HELQ: variants seen among roughly 807,000 people sequenced by gnomAD.
The protein encoded by HELQ is helicase, POLQ like.
A neutral mutation model predicts 111.6 loss-of-function variants in HELQ; 77 were observed. The ratio of observed to expected loss-of-function variants is 0.69; its 90% CI spans 0.57 to 0.83. The LOEUF (loss-of-function observed/expected upper bound fraction) is 0.83. HELQ is among the 40% of genes least tolerant of loss of function. HELQ has a pLI of 0.00. For missense variants in HELQ, 1,200 were observed against 1,288.5 expected (o/e 0.93, Z 1.05); for synonymous variants, 438 against 454.7 (o/e 0.96, Z 0.47).
At chr4:83,448,733 T>C (rs1329616773) in intron 3 of HELQ, 50 bp downstream of exon 3, 1 of 1,460,358 alleles carries the variant, frequency 6.8e-7, no homozygotes, top group Non-Finnish European at 9.4e-7. Context: ...GATCTTAACG[T>C]CAAAGTACTA....
At chr4:83,409,615 C>T (rs1738981858) in intron 17 of HELQ, among the ~76,000 whole-genome samples, 1 of 151,262 alleles carries the variant, frequency 6.6e-6, no homozygotes, top group Non-Finnish European at 1.5e-5. Flanking sequence ...TAAAAATTTC[C>T]CTTCCTGAAA....
chr4:83,434,295 C>G (rs1474411833), intron 9 of HELQ, among the ~76,000 whole-genome samples: 1 of 151,980 alleles, frequency 6.6e-6, no homozygotes, highest in Non-Finnish European at 1.5e-5. Flanking sequence ...CGCTTGAACC[C>G]AGGAGACAGA....
intron 2 of HELQ, among the ~76,000 whole-genome samples, chr4:83,451,521 C>G (rs1721365464): frequency 6.6e-6 from 1 of 151,858 alleles, no homozygotes; most frequent in Non-Finnish European, 1.5e-5. Context: ...AAAAAATTAG[C>G]CGGGCGTGGT....
Position 83,437,261 on chromosome 4 carries a change from C to A in HELQ, c.1809-164G>T, listed in dbSNP as rs114115694. On this transcript the variant is annotated intron_variant, in intron 8 of 17. Transcript: ENST00000295488. ...AGAATTTTGATTCTGACTTCATTAACTATTAGGCAGTCTCTCAATCTTTTT... is the reference window on the plus strand; with the variant it reads ...AGAATTTTGATTCTGACTTCATTAAATATTAGGCAGTCTCTCAATCTTTTT... 3.7e-3 allele frequency among the ~76,000 whole-genome samples: 560 copies of A among 152,210 alleles called. 4 individuals are homozygous for A. Among genetic ancestry groups the A allele is most frequent in the African/African-American group, 0.013 (545 of 41,536 alleles).
At chr4:83,434,820 T>C (rs1046758830) in intron 9 of HELQ, among the ~76,000 whole-genome samples, 4 of 151,970 alleles carry the variant, frequency 2.6e-5, no homozygotes, top group African/African-American at 9.7e-5. Flanking sequence ...TCTTCCACAT[T>C]CTGAAAAATG....
chr4:83,408,870 GA>G lies in HELQ; in HGVS notation c.3199-1311del, dbSNP rs539501991. On this transcript the variant is annotated intron_variant, in intron 17 of 17. Coordinates refer to ENST00000295488, the MANE Select transcript of HELQ (RefSeq NM_133636.5). ...AAGCCTACCCAAATATAAAAATACTGAAAAAAGAATGTTGGTTGATTAAAGC... is the reference window on the plus strand; with the variant it reads ...AAGCCTACCCAAATATAAAAATACTGAAAAAGAATGTTGGTTGATTAAAGC... 1.3e-3 allele frequency among the ~76,000 whole-genome samples: 203 copies of G among 152,098 alleles called. 1 individual carries two copies. Among genetic ancestry groups the G allele is most frequent in the African/African-American group, 4.7e-3 (193 of 41,490 alleles).
At chr4:83,451,534 C>T (rs559887242) in intron 2 of HELQ, among the ~76,000 whole-genome samples, 15 of 151,872 alleles carry the variant, frequency 9.9e-5, no homozygotes, top group Non-Finnish European at 1.8e-4. Flanking sequence ...GGCGTGGTGG[C>T]GGGCGCCTGT....
intron 17 of HELQ, among the ~76,000 whole-genome samples, chr4:83,415,079 A>G (rs1030596864): frequency 6.6e-6 from 1 of 152,240 alleles, no homozygotes; most frequent in Non-Finnish European, 1.5e-5. Context: ...ATATGAAAAT[A>G]GTAAAACAAT....
chr4:83,447,972 G>A (rs1721141542), intron 3 of HELQ, among the ~76,000 whole-genome samples: 1 of 151,982 alleles, frequency 6.6e-6, no homozygotes, highest in Non-Finnish European at 1.5e-5. Flanking sequence ...CACTTTGGGG[G>A]GCCGAGGTGG....
intron 2 of HELQ, among the ~76,000 whole-genome samples, chr4:83,452,355 A>G (rs960120917): frequency 6.6e-6 from 1 of 152,146 alleles, no homozygotes; most frequent in Non-Finnish European, 1.5e-5. Context: ...AAAAGATTGG[A>G]CATCCCTGAC....
chr4:83,430,902 G>A (rs535109900), intron 11 of HELQ, among the ~76,000 whole-genome samples: 2 of 151,758 alleles, frequency 1.3e-5, no homozygotes, highest in Non-Finnish European at 2.9e-5. Flanking sequence ...GGGGGGCAGG[G>A]GAACCTTTAC....
In HELQ at chr4:83,440,136, T is replaced by C. The variant is rs531448750; in HGVS notation, c.1663-128A>G. The C allele has an allele frequency of 4.0e-5, 26 of 645,664 alleles. No individual in the cohort carries two copies. The Admixed American group carries it at 4.9e-4, about 12-fold the overall frequency. The allele number at this position is 645,664 out of a possible 1,614,324, so 40.0% of individuals were successfully genotyped here. On this transcript the variant is annotated intron_variant, in intron 7 of 17. Transcript: ENST00000295488. ...TAAACTTCTAATTTAATAAATCTGA[T>C]CATTTAAAAGAAAAGATGAAATCTA... is the stretch of plus-strand genomic sequence containing the variant.
chr4:83,407,495 A>G lies in HELQ; in HGVS notation c.3264T>C (p.Ser1088=), dbSNP rs747408938. 2.5e-6 allele frequency: 4 copies of G among 1,610,954 alleles called. No homozygotes were observed. Among genetic ancestry groups the G allele is most frequent in the Non-Finnish European group, 3.4e-6 (4 of 1,179,032 alleles). ...EEVEELLRLP[S]DFPGAVASST... is the part of the protein sequence containing the mutation. Reference sequence around the variant, plus strand: ...AAGAAGCCACAGCACCAGGGAAATCAGAAGGCAATCTTAGTAACTCTTCTA... The same window carrying G: ...AAGAAGCCACAGCACCAGGGAAATCGGAAGGCAATCTTAGTAACTCTTCTA... Residue 1088 remains serine (S), a synonymous_variant, in exon 18 of 18, where the codon TCT becomes TCC. Coordinates refer to ENST00000295488, the MANE Select transcript of HELQ (RefSeq NM_133636.5).
chr4:83,435,645 T>G (rs1720412128), intron 9 of HELQ, among the ~76,000 whole-genome samples: 1 of 151,798 alleles, frequency 6.6e-6, no homozygotes, highest in Non-Finnish European at 1.5e-5. Context: ...AGAAGTATGA[T>G]TTACAGGTAA....
intron 17 of HELQ, among the ~76,000 whole-genome samples, chr4:83,411,724 C>G (rs1331717680): frequency 1.3e-5 from 2 of 151,816 alleles, no homozygotes; most frequent in Non-Finnish European, 2.9e-5. Flanking sequence ...CTGATTGCAG[C>G]CTTCATCTCC....
chr4:83,431,634 G>C, intron 11 of HELQ, 30 bp downstream of exon 11: 1 of 1,175,452 alleles, frequency 8.5e-7, no homozygotes, highest in Non-Finnish European at 1.2e-6. Flanking sequence ...TCAGATAACA[G>C]TAATAAGATA....
At chr4:83,448,332 A>G (rs1216247227) in intron 3 of HELQ, among the ~76,000 whole-genome samples, 1 of 152,250 alleles carries the variant, frequency 6.6e-6, no homozygotes, top group African/African-American at 2.4e-5. Flanking sequence ...TAGGTAGTGT[A>G]TACTGCTTTT....
At chr4:83,455,367 T>A in intron 1 of HELQ, 30 bp downstream of exon 1, 1 of 1,599,272 alleles carries the variant, frequency 6.3e-7, no homozygotes, top group Non-Finnish European at 8.6e-7. Flanking sequence ...TGCCAAAAGT[T>A]TGCAGTTTCA....
intron 2 of HELQ, among the ~76,000 whole-genome samples, chr4:83,451,639 T>C (rs1721374343): frequency 6.7e-6 from 1 of 150,174 alleles, no homozygotes; most frequent in Non-Finnish European, 1.5e-5. Flanking sequence ...CACTCCAGCC[T>C]GGGCAACACG....
Sources: gnomAD v4.1 joint callset for allele counts (sites outside exome capture counted in the v4.1 genomes callset) on GRCh38, gnomAD v4.1.1 for gene constraint, MANE v1.5 for transcripts, NCBI Gene and HGNC (gene_info 2026-07-23, HGNC 2026-07-21) for gene names.